Variants in CACNA2D2 observed in about 807,000 individuals in gnomAD.
The protein encoded by CACNA2D2 is calcium voltage-gated channel auxiliary subunit alpha2delta 2.
Under a neutral mutation model 166.4 loss-of-function variants are expected in CACNA2D2, and 48 were observed. The ratio of observed to expected loss-of-function variants is 0.29; its 90% CI spans 0.23 to 0.37. The LOEUF (loss-of-function observed/expected upper bound fraction) is 0.37, where lower values mean the gene tolerates loss of function less well. Ranked by LOEUF, CACNA2D2 falls within the 10% of genes least tolerant of loss-of-function variation. The probability of loss-of-function intolerance (pLI) is 1.00; values close to 1 mark genes in which losing one functional copy is unlikely to be tolerated. For missense variants in CACNA2D2, 1,122 were observed against 1,433.0 expected, an observed-to-expected ratio of 0.78 and a Z score of 3.50; for synonymous variants, 561 against 573.7, an observed-to-expected ratio of 0.98 and a Z score of 0.32.
At chr3:50,489,826 T>A (rs1247989945) in intron 1 of CACNA2D2, among the ~76,000 whole-genome samples, 1 of 152,214 alleles carries the variant, frequency 6.6e-6, no homozygotes, top group Non-Finnish European at 1.5e-5. Flanking sequence ...CCTGGGGGCC[T>A]GGAGCAGGAT....
rs147838153 is a variant in CACNA2D2, at chr3:50,379,657, G to C, written c.994-67C>G. ...GGGTAGGCAGCTATTGCATGGGGCT[G>C]GTGATGGTCACAGGAGCAGGGCAGA... On this transcript the variant is annotated intron_variant, in intron 10 of 37. Transcript: ENST00000424201. This position sits in a 1 kb window ranked among gnomAD's most constrained non-coding sequence, Gnocchi z 6.5. The C allele has an allele frequency of 6.2e-7, 1 of 1,611,652 alleles. No individual in the cohort carries two copies. Among genetic ancestry groups the C allele is most frequent in the African/African-American group, 1.3e-5 (1 of 74,870 alleles).
intron 2 of CACNA2D2, among the ~76,000 whole-genome samples, chr3:50,436,117 G>A (rs1708307978): frequency 6.6e-6 from 1 of 152,202 alleles, no homozygotes; most frequent in Non-Finnish European, 1.5e-5. Flanking sequence ...AAGGCCAGGC[G>A]ATTGAGTGGC....
intron 1 of CACNA2D2, among the ~76,000 whole-genome samples, chr3:50,490,568 T>C (rs1416255044): frequency 9.2e-5 from 14 of 152,152 alleles, no homozygotes; most frequent in Admixed American, 9.2e-4. Context: ...CAGGAAGATA[T>C]GTGGGAGTGG....
At chr3:50,495,083 C>T (rs1450771836) in intron 1 of CACNA2D2, among the ~76,000 whole-genome samples, 4 of 152,254 alleles carry the variant, frequency 2.6e-5, no homozygotes, top group African/African-American at 4.8e-5. Context: ...GGGCTGGGCC[C>T]TGCCCACAGA....
At chr3:50,391,859 C>T (rs557952066) in intron 4 of CACNA2D2, among the ~76,000 whole-genome samples, 6 of 152,204 alleles carry the variant, frequency 3.9e-5, no homozygotes, top group Admixed American at 6.5e-5. Context: ...AACAGCTGGG[C>T]GCCATCCTCC....
At chr3:50,422,138 C>CA (rs1707598886) in intron 3 of CACNA2D2, among the ~76,000 whole-genome samples, 1 of 152,106 alleles carries the variant, frequency 6.6e-6, no homozygotes, top group African/African-American at 2.4e-5. Context: ...TATCCTGAGT[C>CA]AACCCCGACA....
intron 1 of CACNA2D2, among the ~76,000 whole-genome samples, chr3:50,477,618 C>T (rs777140812): frequency 1.3e-5 from 2 of 152,188 alleles, no homozygotes; most frequent in Non-Finnish European, 2.9e-5. Flanking sequence ...TTCTCCATCC[C>T]ACTTGACACA....
At chr3:50,502,897 C>T (rs1284190458) in intron 1 of CACNA2D2, among the ~76,000 whole-genome samples, 1 of 152,232 alleles carries the variant, frequency 6.6e-6, no homozygotes, top group Non-Finnish European at 1.5e-5. Context: ...TCCCTCTCAC[C>T]GGGTCAGCGG....
chr3:50,377,644 C>A (rs1440370233), intron 16 of CACNA2D2, 88 bp downstream of exon 16: 1 of 1,560,494 alleles, frequency 6.4e-7, no homozygotes, highest in Non-Finnish European at 8.8e-7. Context: ...GCAGGCCTGC[C>A]CTGCCCCTCT....
rs972991075 is a variant in CACNA2D2, at chr3:50,376,756, A to G, written c.1627-568T>C. Among the ~76,000 whole-genome samples the G allele has an allele frequency of 2.0e-5, 3 of 152,102 alleles. No individual in the cohort carries two copies. The highest frequency in any genetic ancestry group is 6.5e-5 in the Admixed American group (1 of 15,276). ...CCCCTGCCCACTCAGGGCCAAGCAG[A>G]GGCTTCAGGGGGGCTCAGGCTTAAT... On this transcript the variant is annotated intron_variant, in intron 17 of 37. Transcript: ENST00000424201. This position sits in a 1 kb window ranked among gnomAD's most constrained non-coding sequence, Gnocchi z 4.3.
intron 1 of CACNA2D2, among the ~76,000 whole-genome samples, chr3:50,497,605 G>A (rs965764133): frequency 6.6e-6 from 1 of 152,208 alleles, no homozygotes; most frequent in African/African-American, 2.4e-5. Flanking sequence ...TCTCACAGTG[G>A]CAGGGCAGGG....
In CACNA2D2 at chr3:50,377,462, C is replaced by T. The variant is rs1705050371; in HGVS notation, c.1626+5G>A. On this transcript the variant is annotated splice_donor_5th_base_variant and intron_variant, in intron 17 of 37. Transcript: ENST00000424201. Reference sequence around the variant, plus strand: ...GGGTACGCGGATGGGCAGGGGGATGCTCACCGTGTAGTTGGGGGTCAGCCT... The same window carrying T: ...GGGTACGCGGATGGGCAGGGGGATGTTCACCGTGTAGTTGGGGGTCAGCCT... 1 of 1,611,556 alleles carries T rather than the reference C, an allele frequency of 6.2e-7. No individual in the cohort carries two copies. Among genetic ancestry groups the T allele is most frequent in the Non-Finnish European group, 8.5e-7 (1 of 1,178,798 alleles).
In CACNA2D2 at chr3:50,503,607, T is replaced by C. The variant is rs1699082456; in HGVS notation, c.-184A>G. 1 of 164,032 alleles carries C rather than the reference T, an allele frequency of 6.1e-6. No homozygotes were observed. The highest frequency in any genetic ancestry group is 6.4e-5 in the Admixed American group (1 of 15,626). 10.2% of individuals were successfully genotyped at this position (164,032 alleles called of 1,614,324 possible). On this transcript the variant is annotated 5_prime_UTR_variant, in exon 1 of 38. Coordinates refer to ENST00000424201, the MANE Select transcript of CACNA2D2 (RefSeq NM_006030.4). ...CCTCTGCGGGCTGCGCGCTGCTATC[T>C]CCCTGCAGCGCTGGCTCCAAGCGCT...
At chr3:50,442,786 G>C (rs2106925204) in intron 2 of CACNA2D2, among the ~76,000 whole-genome samples, 1 of 152,334 alleles carries the variant, frequency 6.6e-6, no homozygotes, top group African/African-American at 2.4e-5. Context: ...AGCTGGGGTA[G>C]AGGGAGGAGG....
At chr3:50,378,863 G>A (rs776554358) in intron 13 of CACNA2D2, 52 bp downstream of exon 13, 26 of 1,606,328 alleles carry the variant, frequency 1.6e-5, no homozygotes, top group Non-Finnish European at 2.2e-5. Flanking sequence ...ATACGCAATC[G>A]ACAAAAAGAA....
chr3:50,498,444 A>G (rs1698813858), intron 1 of CACNA2D2, among the ~76,000 whole-genome samples: 1 of 152,196 alleles, frequency 6.6e-6, no homozygotes, highest in African/African-American at 2.4e-5. Context: ...TCTCTCCGGA[A>G]TCAGACTGGA....
intron 17 of CACNA2D2, 55 bp downstream of exon 17, chr3:50,377,412 C>G: frequency 7.0e-7 from 1 of 1,438,202 alleles, no homozygotes; most frequent in Non-Finnish European, 9.8e-7. Context: ...CTCTGCTGAG[C>G]CTGCCTGTGT....
At position 50,380,813 on chromosome 3, in the gene CACNA2D2, A is replaced by G; in HGVS notation, c.785-8T>C. ...GGGCTCGCCACGGGGTGGCTGAGGG[A>G]GGAGAGAAGGTGAGGGGGACTGGCA... On this transcript the variant is annotated splice_region_variant and splice_polypyrimidine_tract_variant and intron_variant, in intron 7 of 37. Transcript: ENST00000424201. This position sits in a 1 kb window ranked among gnomAD's most constrained non-coding sequence, Gnocchi z 4.9. 1 of 1,541,074 alleles carries G rather than the reference A, an allele frequency of 6.5e-7. No individual in the cohort carries two copies. The highest frequency in any genetic ancestry group is 8.7e-7 in the Non-Finnish European group (1 of 1,144,246).
rs142549690 is a variant in CACNA2D2, at chr3:50,388,269, G to T, written c.466-657C>A. 1.3e-3 allele frequency among the ~76,000 whole-genome samples: 197 copies of T among 152,314 alleles called. 2 individuals carry two copies. In the East Asian group the frequency reaches 0.032, roughly 25 times the overall value. ...GCCCCGGGGACCCGTAACACAAACG[G>T]GCTAATTTCATGTGTAATGATCTTT... On this transcript the variant is annotated intron_variant, in intron 4 of 37. Coordinates refer to ENST00000424201, the MANE Select transcript of CACNA2D2 (RefSeq NM_006030.4).
Sources: gnomAD v4.1 joint callset for allele counts (sites outside exome capture counted in the v4.1 genomes callset) on GRCh38, gnomAD v4.1.1 for gene constraint, Gnocchi (gnomAD v3.1) non-coding constraint, MANE v1.5 for transcripts, NCBI Gene and HGNC (gene_info 2026-07-23, HGNC 2026-07-21) for gene names.